SIPA1L3: variants seen among roughly 807,000 people sequenced by gnomAD.
SIPA1L3 encodes signal-induced proliferation-associated 1-like protein 3.
SIPA1L3 carries 59 observed loss-of-function variants against 150.1 expected under a neutral mutation model. The observed-to-expected ratio is 0.39, with a 90% CI of 0.32 to 0.49. SIPA1L3 has a LOEUF of 0.49. SIPA1L3 is among the 20% of genes least tolerant of loss of function. SIPA1L3 has a pLI of 0.86. For missense variants in SIPA1L3, 2,211 were observed against 2,489.5 expected, an observed-to-expected ratio of 0.89 and a Z score of 2.38; for synonymous variants, 1,070 against 1,077.6, an observed-to-expected ratio of 0.99 and a Z score of 0.14.
chr19:38,004,571 C>A (rs1434922703), intron 1 of SIPA1L3, among the ~76,000 whole-genome samples: 1 of 152,182 alleles, frequency 6.6e-6, no homozygotes. Context: ...CTGCCAGGAC[C>A]CGCTCAGGCT....
At chr19:38,033,192 G>A (rs1968691858) in intron 2 of SIPA1L3, among the ~76,000 whole-genome samples, 1 of 152,190 alleles carries the variant, frequency 6.6e-6, no homozygotes, top group African/African-American at 2.4e-5. Context: ...CAGATCTGAT[G>A]TTCCCCGCAA....
At chr19:38,202,527 G>T (rs2146073589) in intron 20 of SIPA1L3, among the ~76,000 whole-genome samples, 1 of 152,226 alleles carries the variant, frequency 6.6e-6, no homozygotes, top group Non-Finnish European at 1.5e-5. Context: ...GGCGAAGCTT[G>T]CAGTGAGCCA....
intron 1 of SIPA1L3, among the ~76,000 whole-genome samples, chr19:38,011,241 G>A (rs553900293): frequency 2.0e-5 from 3 of 152,214 alleles, no homozygotes; most frequent in South Asian, 4.2e-4. Flanking sequence ...TTGGGAGGCC[G>A]AGGTGGGAGG....
At chr19:38,137,772 C>A (rs529564761) in intron 10 of SIPA1L3, among the ~76,000 whole-genome samples, 2 of 152,058 alleles carry the variant, frequency 1.3e-5, no homozygotes, top group Admixed American at 1.3e-4. Context: ...CTGGGACTGC[C>A]CAGCTATGTT....
chr19:38,162,727 C>T (rs574891754), intron 14 of SIPA1L3, among the ~76,000 whole-genome samples: 7 of 152,346 alleles, frequency 4.6e-5, no homozygotes, highest in Non-Finnish European at 7.3e-5. Flanking sequence ...AGCATCTACC[C>T]GCCATTCACG....
In SIPA1L3 at chr19:37,931,575, C is replaced by T. The variant is rs191162241; in HGVS notation, c.-379+24217C>T. Among the ~76,000 whole-genome samples, 33 of 150,070 alleles carry T rather than the reference C, an allele frequency of 2.2e-4. No homozygotes were observed. In the East Asian group the frequency reaches 5.3e-3, roughly 24 times the overall value. ...CAGCGTGGCTAACATGTTGAAACTC[C>T]GTCTTTAATAAAAATAAAAAAAAAA... On this transcript the variant is annotated intron_variant, in intron 1 of 21. Coordinates refer to ENST00000222345, the MANE Select transcript of SIPA1L3 (RefSeq NM_015073.3).
At chr19:38,167,899 C>A (rs1340317802) in intron 15 of SIPA1L3, among the ~76,000 whole-genome samples, 1 of 152,158 alleles carries the variant, frequency 6.6e-6, no homozygotes, top group Admixed American at 6.6e-5. Flanking sequence ...CATGTGGACT[C>A]TTTTGAATGG....
chr19:38,124,995 AGAGAGGGAGAGGGAGACCGTGGGGAGAGG>A (rs1188312477), intron 9 of SIPA1L3, among the ~76,000 whole-genome samples: 44 of 103,114 alleles, frequency 4.3e-4, no homozygotes, highest in African/African-American at 1.7e-3. Flanking sequence ...GACTGTGGAA[AGAGAGGGAGAGGGAGACCGTGGGGAGAGG>A]GAGAGGGAGA....
chr19:37,933,151 G>A (rs1304639745), intron 1 of SIPA1L3, among the ~76,000 whole-genome samples: 1 of 151,876 alleles, frequency 6.6e-6, no homozygotes, highest in African/African-American at 2.4e-5. Flanking sequence ...CCAACCCCAG[G>A]CCCCCATTTT....
At chr19:38,157,701 C>T (rs1434444819) in intron 13 of SIPA1L3, among the ~76,000 whole-genome samples, 1 of 152,128 alleles carries the variant, frequency 6.6e-6, no homozygotes, top group Non-Finnish European at 1.5e-5. Context: ...AACTAGGGGA[C>T]AGGATCAGGG....
In SIPA1L3 at chr19:38,066,934, G is replaced by A. The variant is rs534383316; in HGVS notation, c.-310-14322G>A. ...TTCCCTAGTTGGGAAAAACTGTACT[G>A]ATTTAACACCCTTAAAAGCAGAATG... is the stretch of plus-strand genomic sequence containing the variant. On this transcript the variant is annotated intron_variant, in intron 2 of 21. Transcript: ENST00000222345. Among the ~76,000 whole-genome samples, 4 of 152,004 alleles carry A rather than the reference G, an allele frequency of 2.6e-5. No individual in the cohort carries two copies. The East Asian group carries it at 7.7e-4, about 29-fold the overall frequency.
intron 7 of SIPA1L3, chr19:38,109,713 C>T: frequency 6.1e-6 from 1 of 163,308 alleles, no homozygotes; most frequent in Non-Finnish European, 1.4e-5. Context: ...GAGGATACAG[C>T]AGTTGGCCGT....
chr19:38,196,654 A>C (rs73930553), intron 18 of SIPA1L3, among the ~76,000 whole-genome samples: 29,967 of 141,892 alleles, frequency 0.21, 4,036 homozygotes, highest in African/African-American at 0.41. Flanking sequence ...AGGTCAAGGG[A>C]AGAGCAAGGA....
chr19:37,940,989 G>GT, intron 1 of SIPA1L3, among the ~76,000 whole-genome samples: 1 of 151,934 alleles, frequency 6.6e-6, no homozygotes, highest in African/African-American at 2.4e-5. Context: ...CTGTTGCAGT[G>GT]TTTAACTTAT....
At chr19:37,939,917 G>C (rs1036255142) in intron 1 of SIPA1L3, among the ~76,000 whole-genome samples, 12 of 152,174 alleles carry the variant, frequency 7.9e-5, no homozygotes, top group Admixed American at 7.9e-4. Context: ...ACCTGTAGAT[G>C]ATGCCCTCCC....
At chr19:38,189,278 C>T (rs1972755385) in intron 16 of SIPA1L3, among the ~76,000 whole-genome samples, 1 of 151,942 alleles carries the variant, frequency 6.6e-6, no homozygotes, top group East Asian at 2.0e-4. Flanking sequence ...GAGTACACAA[C>T]CACACCCACC....
At chr19:38,165,506 G>T (rs1972189734) in intron 15 of SIPA1L3, among the ~76,000 whole-genome samples, 1 of 152,176 alleles carries the variant, frequency 6.6e-6, no homozygotes, top group African/African-American at 2.4e-5. Flanking sequence ...GGGGAAAGTT[G>T]GAAGCCTCTG....
chr19:37,952,952 C>T (rs1164320436), intron 1 of SIPA1L3, among the ~76,000 whole-genome samples: 4 of 152,148 alleles, frequency 2.6e-5, no homozygotes, highest in Non-Finnish European at 1.5e-5. Context: ...GGATTCTTGG[C>T]CGGGCACGGT....
rs1012740351 is a variant in SIPA1L3, at chr19:38,162,191, G to T, written c.3662-62G>T. 10 of 1,362,566 alleles carry T rather than the reference G, an allele frequency of 7.3e-6. No individual in the cohort carries two copies. In the African/African-American group the frequency reaches 1.3e-4, roughly 17 times the overall value. 84.4% of individuals were successfully genotyped at this position (1,362,566 alleles called of 1,614,324 possible). On this transcript the variant is annotated intron_variant, in intron 13 of 21. Coordinates refer to ENST00000222345, the MANE Select transcript of SIPA1L3 (RefSeq NM_015073.3). ...AGCAGACAGTCTGGCAAAGGGTCCA[G>T]ATTCTTCAGGCCCTGGCCTGAGTCA...
Sources: allele counts gnomAD v4.1 joint callset (sites outside exome capture counted in the v4.1 genomes callset), GRCh38; gene constraint gnomAD v4.1.1; transcripts MANE v1.5; gene names NCBI Gene and HGNC (gene_info 2026-07-23, HGNC 2026-07-21).